The following TAFA1 variants were observed in gnomAD, a reference collection of about 807,000 sequenced individuals.
TAFA1 encodes the protein chemokine-like protein TAFA-1.
In TAFA1, 4 loss-of-function variants were observed where a neutral mutation model predicts 18.5. The ratio of observed to expected loss-of-function variants is 0.22; its 90% CI spans 0.11 to 0.49. The LOEUF (loss-of-function observed/expected upper bound fraction) is 0.49, where lower values mean the gene tolerates loss of function less well. Ranked by LOEUF, TAFA1 falls within the 20% of genes least tolerant of loss-of-function variation. TAFA1 has a pLI of 0.98. For synonymous variants in TAFA1, 56 were observed against 55.2 expected (o/e 1.01, Z -0.06); for missense variants, 147 against 169.0 (o/e 0.87, Z 0.72).
intron 3 of TAFA1, among the ~76,000 whole-genome samples, chr3:68,472,503 TACACACACACAC>T (rs144677943): frequency 1.4e-5 from 2 of 141,206 alleles, no homozygotes; most frequent in South Asian, 2.2e-4. Flanking sequence ...TAGAACTAAA[TACACACACACAC>T]ACACACACAC....
At chr3:68,270,006 G>T (rs1310248363) in intron 2 of TAFA1, among the ~76,000 whole-genome samples, 1 of 152,080 alleles carries the variant, frequency 6.6e-6, no homozygotes, top group Non-Finnish European at 1.5e-5. Flanking sequence ...TGCCTACCTT[G>T]GAAAGTCTGT....
intron 2 of TAFA1, among the ~76,000 whole-genome samples, chr3:68,122,822 ATGTG>A (rs1389758302): frequency 6.6e-6 from 1 of 150,844 alleles, no homozygotes; most frequent in Admixed American, 6.6e-5. Flanking sequence ...GTGTGTGTGT[ATGTG>A]TGTGTGTATG....
chr3:68,240,483 A>G (rs2066982860), intron 2 of TAFA1, among the ~76,000 whole-genome samples: 1 of 152,206 alleles, frequency 6.6e-6, no homozygotes, highest in African/African-American at 2.4e-5. Flanking sequence ...GATTTAGAAC[A>G]TAGCATAACC....
intron 2 of TAFA1, among the ~76,000 whole-genome samples, chr3:68,028,775 T>C (rs1704872022): frequency 6.6e-6 from 1 of 151,292 alleles, no homozygotes; most frequent in South Asian, 2.1e-4. Context: ...TTTTTTGAGA[T>C]AGGGTTTCAC....
At chr3:68,389,946 A>G (rs1313731332) in intron 2 of TAFA1, among the ~76,000 whole-genome samples, 5 of 152,140 alleles carry the variant, frequency 3.3e-5, no homozygotes, top group African/African-American at 9.7e-5. Flanking sequence ...ATGGGCAGAC[A>G]CTGAGCTAGC....
chr3:68,435,902 T>A (rs2071259809), intron 3 of TAFA1, among the ~76,000 whole-genome samples: 1 of 152,158 alleles, frequency 6.6e-6, no homozygotes, highest in Non-Finnish European at 1.5e-5. Context: ...CCAGACTACA[T>A]GTTAGAATCA....
chr3:68,175,354 C>T (rs1232559239), intron 2 of TAFA1, among the ~76,000 whole-genome samples: 1 of 152,190 alleles, frequency 6.6e-6, no homozygotes, highest in Non-Finnish European at 1.5e-5. Flanking sequence ...CACCATATAC[C>T]TGGAAAAGCC....
intron 2 of TAFA1, among the ~76,000 whole-genome samples, chr3:68,329,044 A>G (rs938649860): frequency 2.0e-5 from 3 of 151,120 alleles, no homozygotes; most frequent in African/African-American, 7.3e-5. Context: ...ATCTCTCCCA[A>G]GCCTCCTTAG....
intron 2 of TAFA1, among the ~76,000 whole-genome samples, chr3:68,221,779 A>C (rs753046397): frequency 6.6e-6 from 1 of 152,228 alleles, no homozygotes; most frequent in African/African-American, 2.4e-5. Flanking sequence ...AATGAATATG[A>C]TCTATAATAA....
At chr3:68,290,223 T>C (rs916127785) in intron 2 of TAFA1, among the ~76,000 whole-genome samples, 1 of 152,184 alleles carries the variant, frequency 6.6e-6, no homozygotes, top group African/African-American at 2.4e-5. Context: ...AAATTTATTT[T>C]TCCATAAAAG....
At chr3:68,330,034 T>C (rs1388454319) in intron 2 of TAFA1, among the ~76,000 whole-genome samples, 1 of 152,152 alleles carries the variant, frequency 6.6e-6, no homozygotes, top group Non-Finnish European at 1.5e-5. Flanking sequence ...ATTGCAGGGA[T>C]AGCTGGGTCC....
chr3:68,279,620 C>T (rs2067862195), intron 2 of TAFA1, among the ~76,000 whole-genome samples: 2 of 152,046 alleles, frequency 1.3e-5, no homozygotes, highest in African/African-American at 2.4e-5. Flanking sequence ...CGGTATCCTC[C>T]TTCCTGAAAC....
At chr3:68,052,795 A>G (rs577236264) in intron 2 of TAFA1, among the ~76,000 whole-genome samples, 1 of 152,248 alleles carries the variant, frequency 6.6e-6, no homozygotes, top group Non-Finnish European at 1.5e-5. Context: ...TCAAAAAGGT[A>G]AAATCATGAC....
chr3:68,540,804 A>T (rs2073360370), intron 4 of TAFA1, among the ~76,000 whole-genome samples: 2 of 152,220 alleles, frequency 1.3e-5, no homozygotes, highest in Admixed American at 1.3e-4. Flanking sequence ...AAACAGAAAC[A>T]TAGATTGTTA....
intron 2 of TAFA1, among the ~76,000 whole-genome samples, chr3:68,007,892 C>T (rs1416099215): frequency 6.6e-6 from 1 of 152,260 alleles, no homozygotes; most frequent in Non-Finnish European, 1.5e-5. Flanking sequence ...CGCTTGCTGC[C>T]TCCTGGGGCT....
In TAFA1 at chr3:68,287,240, G is replaced by A. The variant is rs140574936; in HGVS notation, c.119-130040G>A. Among the ~76,000 whole-genome samples the A allele has an allele frequency of 2.3e-3, 357 of 152,248 alleles. 2 individuals are homozygous for A. Among genetic ancestry groups the A allele is most frequent in the African/African-American group, 7.6e-3 (314 of 41,558 alleles). On this transcript the variant is annotated intron_variant, in intron 2 of 4. Coordinates refer to ENST00000478136, the MANE Select transcript of TAFA1 (RefSeq NM_213609.4). ...TGGAAAAGCGGACACAAGCCAAAGT[G>A]GAATATAGCAGCCCAAATGTGACTC...
chr3:68,255,355 T>C (rs1037438116), intron 2 of TAFA1, among the ~76,000 whole-genome samples: 16 of 152,184 alleles, frequency 1.1e-4, no homozygotes, highest in Admixed American at 2.6e-4. Flanking sequence ...TTTACATTTA[T>C]TGGTTCGGTT....
intron 2 of TAFA1, among the ~76,000 whole-genome samples, chr3:68,021,036 A>T (rs1441953926): frequency 2.0e-5 from 3 of 151,774 alleles, no homozygotes; most frequent in Non-Finnish European, 4.4e-5. Flanking sequence ...AAATACAAAA[A>T]TCAGCTGGAC....
intron 2 of TAFA1, among the ~76,000 whole-genome samples, chr3:68,130,034 G>A (rs934631079): frequency 6.6e-6 from 1 of 151,994 alleles, no homozygotes; most frequent in Non-Finnish European, 1.5e-5. Flanking sequence ...GTTTCAGTTT[G>A]GAAACTGGCA....
Sources: allele counts gnomAD v4.1 joint callset (sites outside exome capture counted in the v4.1 genomes callset), GRCh38; gene constraint gnomAD v4.1.1; transcripts MANE v1.5; gene names NCBI Gene and HGNC (gene_info 2026-07-23, HGNC 2026-07-21).